The following SLC36A1 variants were observed in gnomAD, a reference collection of about 807,000 sequenced individuals.
SLC36A1 encodes solute carrier family 36 member 1.
A neutral mutation model predicts 47.5 loss-of-function variants in SLC36A1; 30 were observed. The observed-to-expected ratio is 0.63, with a 90% CI of 0.47 to 0.86. SLC36A1 has a LOEUF of 0.86. SLC36A1 is among the 40% of genes least tolerant of loss of function. The pLI, the probability that SLC36A1 is intolerant of heterozygous loss-of-function variation, is 0.00. For synonymous variants in SLC36A1, 255 were observed against 249.7 expected (o/e 1.02, Z -0.20); for missense variants, 517 against 606.0 (o/e 0.85, Z 1.54).
chr5:151,512,412 C>T, the SLC36A1 span: 9 of 1,614,248 alleles, frequency 5.6e-6, no homozygotes, highest in African/African-American at 8.0e-5. The surrounding 1 kb of genome is among the most constrained non-coding windows in gnomAD (Gnocchi z 4.1). Flanking sequence ...GCCTTTCGGG[C>T]CTCAGACCAC....
chr5:151,534,802 C>T, the SLC36A1 span, among the ~76,000 whole-genome samples: 1 of 151,712 alleles, frequency 6.6e-6, no homozygotes, highest in African/African-American at 2.4e-5. Flanking sequence ...CTGTATCCCC[C>T]CATACCCATT....
At chr5:151,365,401 C>G in the SLC36A1 span, among the ~76,000 whole-genome samples, 1 of 152,210 alleles carries the variant, frequency 6.6e-6, no homozygotes, top group African/African-American at 2.4e-5. Context: ...TCCTATTTGA[C>G]AGGCTCAGGG....
chr5:151,457,622 C>T (rs1189955164), intron 1 of SLC36A1, among the ~76,000 whole-genome samples: 1 of 152,128 alleles, frequency 6.6e-6, no homozygotes, highest in African/African-American at 2.4e-5. Flanking sequence ...TCCTGGTCCT[C>T]CTCTGAGCTG....
At chr5:151,448,256 G>C (rs1753119974) in intron 1 of SLC36A1, among the ~76,000 whole-genome samples, 1 of 152,216 alleles carries the variant, frequency 6.6e-6, no homozygotes, top group African/African-American at 2.4e-5. Context: ...CATCCAGTGA[G>C]TTAATCGGAG....
At chr5:151,516,622 C>T in the SLC36A1 span, among the ~76,000 whole-genome samples, 12 of 152,274 alleles carry the variant, frequency 7.9e-5, no homozygotes, top group South Asian at 2.5e-3. Flanking sequence ...CTATAATTTT[C>T]TGAGCTATTA....
At chr5:151,524,097 C>A in the SLC36A1 span, among the ~76,000 whole-genome samples, 1 of 152,122 alleles carries the variant, frequency 6.6e-6, no homozygotes, top group African/African-American at 2.4e-5. Context: ...CACTGGTCTC[C>A]CTCACCCACT....
the SLC36A1 span, among the ~76,000 whole-genome samples, chr5:151,402,456 T>A: frequency 2.8e-4 from 43 of 152,280 alleles, no homozygotes; most frequent in Non-Finnish European, 4.7e-4. Context: ...AATTTTCTTT[T>A]TTCATTGTGT....
At chr5:151,494,083 C>T (rs919871895), downstream of SLC36A1, among the ~76,000 whole-genome samples, 7 of 152,116 alleles carry the variant, frequency 4.6e-5, no homozygotes, top group African/African-American at 1.7e-4. Flanking sequence ...CCCCTTCTTC[C>T]AGAAAGCCAG....
the SLC36A1 span, among the ~76,000 whole-genome samples, chr5:151,404,063 C>T: frequency 2.0e-5 from 3 of 152,112 alleles, no homozygotes; most frequent in Non-Finnish European, 4.4e-5. Flanking sequence ...TTTCATAGGT[C>T]TGGAAGTACT....
chr5:151,458,748 C>G (rs1194038639), intron 1 of SLC36A1, 40 bp from the exon 2 acceptor site: 2 of 1,598,424 alleles, frequency 1.3e-6, no homozygotes, highest in Non-Finnish European at 1.7e-6. Context: ...GCTAAAGGCT[C>G]CAGCTGCAGG....
the SLC36A1 span, among the ~76,000 whole-genome samples, chr5:151,358,141 T>C: frequency 6.6e-6 from 1 of 152,166 alleles, no homozygotes; most frequent in Non-Finnish European, 1.5e-5. Flanking sequence ...CTCAGCTATT[T>C]GTTACAAAAA....
At chr5:151,472,270 T>C (rs891568499) in intron 7 of SLC36A1, among the ~76,000 whole-genome samples, 3 of 152,268 alleles carry the variant, frequency 2.0e-5, no homozygotes, top group Non-Finnish European at 2.9e-5. Flanking sequence ...GGGAGAAAGA[T>C]GTAGCCTGGG....
In SLC36A1 at chr5:151,480,110, T is replaced by C. The variant is rs1758612178; in HGVS notation, c.1159+621T>C. The C allele has an allele frequency of 2.7e-6, 4 of 1,486,028 alleles. No individual in the cohort carries two copies. The South Asian group carries it at 5.3e-5, about 20-fold the overall frequency. The allele number at this position is 1,486,028 out of a possible 1,614,324, so 92.1% of individuals were successfully genotyped here. A position where few individuals can be genotyped will look rare whatever the true frequency, so the allele number is the denominator to read the frequency against. ...TCTGTTTGCTGTGGTTGAAAACTGGTGACATTTAGAAAATAAAAGTAAATT... is the reference window on the plus strand; with the variant it reads ...TCTGTTTGCTGTGGTTGAAAACTGGCGACATTTAGAAAATAAAAGTAAATT... On this transcript the variant is annotated intron_variant, in intron 10 of 10. Transcript: ENST00000243389.
upstream of SLC36A1, among the ~76,000 whole-genome samples, chr5:151,434,109 G>T (rs372792178): frequency 1.1e-4 from 17 of 152,278 alleles, no homozygotes; most frequent in East Asian, 2.3e-3. Context: ...AAGTCTTTCA[G>T]GAGGGACTCA....
the SLC36A1 span, chr5:151,511,949 C>G: frequency 1.7e-6 from 1 of 577,440 alleles, no homozygotes; most frequent in Non-Finnish European, 3.1e-6. Flanking sequence ...CCTCATCCCC[C>G]CAGAAGTAGA....
intron 2 of SLC36A1, among the ~76,000 whole-genome samples, chr5:151,460,024 G>T (rs1755273113): frequency 6.6e-6 from 1 of 152,206 alleles, no homozygotes; most frequent in Admixed American, 6.5e-5. Context: ...TCAGGGGTAT[G>T]CTTTTGTAGA....
the SLC36A1 span, among the ~76,000 whole-genome samples, chr5:151,537,311 AAAAG>A: frequency 6.4e-4 from 41 of 64,178 alleles, no homozygotes; most frequent in East Asian, 9.8e-3. Context: ...AGAGGGAAGA[AAAAG>A]AAAGAGAAAA....
chr5:151,444,144 T>C (rs1752787048), upstream of SLC36A1, among the ~76,000 whole-genome samples: 1 of 152,230 alleles, frequency 6.6e-6, no homozygotes, highest in Non-Finnish European at 1.5e-5. Flanking sequence ...GTCTTGACTA[T>C]TCAGGGTCTT....
chr5:151,502,410 ACT>A, the SLC36A1 span, among the ~76,000 whole-genome samples: 2 of 148,404 alleles, frequency 1.3e-5, no homozygotes, highest in Admixed American at 6.6e-5. Flanking sequence ...CTGATAAAAT[ACT>A]GTTTTCTAAA....
Sources: gnomAD v4.1 joint callset for allele counts (sites outside exome capture counted in the v4.1 genomes callset) on GRCh38, gnomAD v4.1.1 for gene constraint, Gnocchi (gnomAD v3.1) non-coding constraint, MANE v1.5 for transcripts, NCBI Gene and HGNC (gene_info 2026-07-23, HGNC 2026-07-21) for gene names.